The following MAML3 variants were observed in gnomAD, a reference collection of about 807,000 sequenced individuals.
MAML3 encodes the protein mastermind-like protein 3.
A neutral mutation model predicts 101.9 loss-of-function variants in MAML3; 27 were observed. That is an observed-to-expected ratio of 0.27 (90% CI 0.20 to 0.37). The LOEUF is 0.37. MAML3 is among the 10% of genes least tolerant of loss of function. MAML3 has a pLI of 1.00. For missense variants in MAML3, 1,316 were observed against 1,444.9 expected (o/e 0.91, Z 1.45); for synonymous variants, 501 against 555.9 (o/e 0.90, Z 1.39).
chr4:139,826,966 G>T (rs985735450), intron 2 of MAML3, among the ~76,000 whole-genome samples: 4 of 152,284 alleles, frequency 2.6e-5, no homozygotes, highest in Admixed American at 2.0e-4. Context: ...CACAACAAGA[G>T]TTGAGGACAA....
At chr4:139,938,820 G>C (rs766706986) in intron 1 of MAML3, among the ~76,000 whole-genome samples, 5 of 152,160 alleles carry the variant, frequency 3.3e-5, no homozygotes, top group Non-Finnish European at 5.9e-5. Flanking sequence ...TATGTTCAAC[G>C]AACAGTACGC....
intron 1 of MAML3, among the ~76,000 whole-genome samples, chr4:140,121,851 A>T (rs1383190041): frequency 2.6e-5 from 4 of 152,112 alleles, no homozygotes; most frequent in East Asian, 1.9e-4. Context: ...CATGATCCCC[A>T]CGTGTCATGG....
At chr4:139,757,014 G>A (rs1266229614) in intron 2 of MAML3, among the ~76,000 whole-genome samples, 3 of 152,198 alleles carry the variant, frequency 2.0e-5, no homozygotes, top group Non-Finnish European at 4.4e-5. Context: ...TGCCCACTGC[G>A]CTCTGGTCTC....
intron 1 of MAML3, among the ~76,000 whole-genome samples, chr4:140,005,914 TAG>T (rs1441430689): frequency 6.6e-6 from 1 of 152,180 alleles, no homozygotes. Flanking sequence ...TCTCACCCAA[TAG>T]TGTTAAAGAC....
intron 2 of MAML3, among the ~76,000 whole-genome samples, chr4:139,751,833 C>T (rs552017924): frequency 9.9e-5 from 15 of 152,280 alleles, no homozygotes; most frequent in Middle Eastern, 3.4e-3. Flanking sequence ...ACCTCTAATC[C>T]GCAAAGTATC....
chr4:139,983,995 T>C (rs1198239031), intron 1 of MAML3, among the ~76,000 whole-genome samples: 1 of 152,120 alleles, frequency 6.6e-6, no homozygotes, highest in African/African-American at 2.4e-5. Flanking sequence ...GAGAATGTAA[T>C]GGGTAGACAT....
At chr4:139,756,623 TGG>T (rs1374918781) in intron 2 of MAML3, among the ~76,000 whole-genome samples, 1 of 152,156 alleles carries the variant, frequency 6.6e-6, no homozygotes, top group Admixed American at 6.6e-5. Context: ...GGAAATGACT[TGG>T]TTGTGGCTGT....
At chr4:139,929,121 C>A (rs949033334) in intron 1 of MAML3, among the ~76,000 whole-genome samples, 3 of 152,022 alleles carry the variant, frequency 2.0e-5, no homozygotes, top group Non-Finnish European at 4.4e-5. Context: ...GTTCAATAGC[C>A]CCCCAAATGC....
At chr4:139,740,169 T>G (rs1729111860) in intron 2 of MAML3, 2 of 152,300 alleles carry the variant, frequency 1.3e-5, no homozygotes, top group Admixed American at 1.3e-4. Context: ...AAGCCTGCTC[T>G]CTGTGGCACC....
At chr4:140,016,752 A>C (rs934062624) in intron 1 of MAML3, among the ~76,000 whole-genome samples, 1 of 152,250 alleles carries the variant, frequency 6.6e-6, no homozygotes, top group Non-Finnish European at 1.5e-5. Context: ...AACATAAAAC[A>C]AAACCAAACC....
At chr4:140,104,392 A>ATG (rs1341032405) in intron 1 of MAML3, among the ~76,000 whole-genome samples, 6 of 56,546 alleles carry the variant, frequency 1.1e-4, no homozygotes, top group Non-Finnish European at 2.8e-4. Flanking sequence ...TATATATTAT[A>ATG]TATTATATAA....
intron 1 of MAML3, among the ~76,000 whole-genome samples, chr4:140,009,010 C>T (rs1409885152): frequency 6.6e-6 from 1 of 152,158 alleles, no homozygotes; most frequent in African/African-American, 2.4e-5. Context: ...TCCCAAATTC[C>T]AATACCTTTT....
In MAML3 at chr4:139,819,602, G is replaced by A. The variant is rs975126172; in HGVS notation, c.2079+69755C>T. Among the ~76,000 whole-genome samples, 8 of 152,114 alleles carry A rather than the reference G, an allele frequency of 5.3e-5. No individual in the cohort carries two copies. The Middle Eastern group carries it at 0.014, about 259-fold the overall frequency. The stretch of plus-strand genomic sequence containing the variant: ...TCTTCTTGGGTATTTTTTTCCAATT[G>A]GACTATACTGCCACCCGATAAGTGG... On this transcript the variant is annotated intron_variant, in intron 2 of 4. Transcript: ENST00000509479.
chr4:139,917,801 T>C (rs1224662249), intron 1 of MAML3, among the ~76,000 whole-genome samples: 2 of 152,170 alleles, frequency 1.3e-5, no homozygotes, highest in Non-Finnish European at 2.9e-5. Context: ...GGATTCTTTA[T>C]TGGGTGGAAA....
intron 1 of MAML3, among the ~76,000 whole-genome samples, chr4:139,901,125 G>T (rs1267578778): frequency 6.6e-6 from 1 of 152,256 alleles, no homozygotes; most frequent in Non-Finnish European, 1.5e-5. Flanking sequence ...TAAAGGGGAT[G>T]TGTTCATGTC....
intron 2 of MAML3, among the ~76,000 whole-genome samples, chr4:139,731,660 A>C (rs371357180): frequency 6.6e-6 from 1 of 152,040 alleles, no homozygotes; most frequent in African/African-American, 2.4e-5. Flanking sequence ...TAATTTAAAC[A>C]TGGGGTGTTG....
chr4:140,130,729 C>T (rs990694429), intron 1 of MAML3, among the ~76,000 whole-genome samples: 5 of 152,166 alleles, frequency 3.3e-5, no homozygotes, highest in Admixed American at 3.3e-4. Flanking sequence ...TTACAAGATG[C>T]TAGCCCTGAA....
At chr4:140,003,419 T>C (rs896539844) in intron 1 of MAML3, among the ~76,000 whole-genome samples, 8 of 151,840 alleles carry the variant, frequency 5.3e-5, no homozygotes, top group African/African-American at 1.9e-4. Context: ...CGAAATAGTA[T>C]TGGGGGGTAA....
chr4:139,886,489 T>TAGAATTCCTAAAATA (rs1329704134), intron 2 of MAML3, among the ~76,000 whole-genome samples: 2 of 152,186 alleles, frequency 1.3e-5, no homozygotes, highest in African/African-American at 4.8e-5. Context: ...ATTCAGTATT[T>TAGAATTCCTAAAATA]AGAATTCCTA....
Sources: gnomAD v4.1 joint callset for allele counts (sites outside exome capture counted in the v4.1 genomes callset) on GRCh38, gnomAD v4.1.1 for gene constraint, MANE v1.5 for transcripts, NCBI Gene and HGNC (gene_info 2026-07-23, HGNC 2026-07-21) for gene names.